MAP2K3: variants seen among roughly 807,000 people sequenced by gnomAD.
MAP2K3 encodes dual specificity mitogen-activated protein kinase kinase 3.
A neutral mutation model predicts 46.4 loss-of-function variants in MAP2K3; 30 were observed. The observed-to-expected ratio is 0.65, with a 90% CI of 0.48 to 0.88. The LOEUF is 0.88. Ranked by LOEUF, MAP2K3 falls within the 40% of genes least tolerant of loss-of-function variation. MAP2K3 has a pLI of 0.00. For synonymous variants in MAP2K3, 189 were observed against 176.3 expected (o/e 1.07, Z -0.57); for missense variants, 380 against 464.5 (o/e 0.82, Z 1.67).
chr17:21,296,042 A>C, intron 1 of MAP2K3: 1 of 1,287,948 alleles, frequency 7.8e-7, no homozygotes, highest in South Asian at 1.2e-5. Context: ...AAAGCTACCT[A>C]TAATTCTCAT....
intron 11 of MAP2K3, 115 bp downstream of exon 11, chr17:21,313,652 T>C (rs1657686): frequency 0.53 from 457,971 of 860,510 alleles, 125,495 homozygotes; most frequent in African/African-American, 0.78. Flanking sequence ...TGGCTGGCCC[T>C]GTGTTCTCTC....
intron 1 of MAP2K3, 50 bp from the exon 2 acceptor site, chr17:21,298,363 A>T (rs1258540763): frequency 1.2e-6 from 2 of 1,611,854 alleles, no homozygotes; most frequent in Non-Finnish European, 1.7e-6. Flanking sequence ...AGTGCAGGGG[A>T]CATTGATGTC....
At chr17:21,302,858 C>T (rs1048683242) in intron 6 of MAP2K3, among the ~76,000 whole-genome samples, 1 of 152,312 alleles carries the variant, frequency 6.6e-6, no homozygotes, top group Non-Finnish European at 1.5e-5. Flanking sequence ...ACTGGCTCTG[C>T]CACGGGAGGG....
intron 9 of MAP2K3, among the ~76,000 whole-genome samples, chr17:21,310,056 A>G (rs1977093052): frequency 6.7e-6 from 1 of 149,440 alleles, no homozygotes; most frequent in African/African-American, 2.5e-5. Flanking sequence ...CCCAGGCTGC[A>G]GTGCAGTGGT....
intron 3 of MAP2K3, among the ~76,000 whole-genome samples, chr17:21,300,026 C>G (rs12451239): frequency 0.19 from 28,221 of 145,690 alleles, no homozygotes; most frequent in South Asian, 0.24. Context: ...TGACGATACT[C>G]CCTCCAGGCT....
intron 1 of MAP2K3, among the ~76,000 whole-genome samples, chr17:21,293,607 T>C (rs1397896174): frequency 2.0e-5 from 3 of 152,306 alleles, no homozygotes; most frequent in Non-Finnish European, 2.9e-5. Context: ...AGGAAGTCCC[T>C]GTAGGGTAGA....
chr17:21,291,298 C>T (rs960721414), intron 1 of MAP2K3: 3 of 32,388 alleles, frequency 9.3e-5, no homozygotes, highest in African/African-American at 2.8e-4. Flanking sequence ...GAATACAATA[C>T]AATAGAATAC....
rs1329877028 is a variant in MAP2K3, at chr17:21,298,921, G to A, written c.160G>A (p.Asp54Asn). Residue 54 changes from aspartate to asparagine, a missense_variant, in exon 3 of 12, where the codon GAC becomes AAC. Asp to Asn is a conservative substitution (Grantham distance 23). This residue lies in a region of MAP2K3 where 294 missense variants were observed against 275.4 expected (regional missense o/e 1.07). Transcript: ENST00000342679. ...CTCCCGGACCTTCATCACCATTGGA[G>A]ACAGAGTAGGTGCCAGCCGCCACCC... ...LDSRTFITIG[D>N]RNFEVEADDL... is the part of the protein sequence containing the mutation. 2 of 1,614,174 alleles carry A rather than the reference G, an allele frequency of 1.2e-6. No individual in the cohort carries two copies. The highest frequency in any genetic ancestry group is 4.5e-5 in the East Asian group (2 of 44,906).
At chr17:21,290,098 T>A (rs570431734) in intron 1 of MAP2K3, among the ~76,000 whole-genome samples, 1 of 152,232 alleles carries the variant, frequency 6.6e-6, no homozygotes, top group African/African-American at 2.4e-5. Flanking sequence ...AAGGTTTACA[T>A]GTGCCAGTGT....
intron 5 of MAP2K3, 87 bp downstream of exon 5, chr17:21,301,080 G>C: frequency 1.2e-6 from 2 of 1,601,436 alleles, no homozygotes; most frequent in Middle Eastern, 3.3e-4. Flanking sequence ...CCTCCAGTAC[G>C]CCAGGTGCTG....
Position 21,284,795 on chromosome 17 carries a change from C to T in MAP2K3, c.-126C>T. The T allele has an allele frequency of 8.8e-7, 1 of 1,140,470 alleles. No homozygotes were observed. Among genetic ancestry groups the T allele is most frequent in the Non-Finnish European group, 1.2e-6 (1 of 841,818 alleles). 70.6% of individuals were successfully genotyped at this position (1,140,470 alleles called of 1,614,324 possible). On this transcript the variant is annotated 5_prime_UTR_variant, in exon 1 of 12. Coordinates refer to ENST00000342679, the MANE Select transcript of MAP2K3 (RefSeq NM_145109.3). ...CTCGCCGCAGTCGCCGCCGCCGCCG[C>T]CGCCGCCGCCGCTGCTCCTCCGCCT...
chr17:21,291,963 T>C (rs1975962764), intron 1 of MAP2K3, among the ~76,000 whole-genome samples: 1 of 152,310 alleles, frequency 6.6e-6, no homozygotes, highest in South Asian at 2.1e-4. Flanking sequence ...AGAGGGAGTG[T>C]GGCTCGCCCC....
intron 9 of MAP2K3, among the ~76,000 whole-genome samples, chr17:21,311,230 C>T (rs1425824805): frequency 1.3e-5 from 2 of 152,188 alleles, no homozygotes; most frequent in Admixed American, 6.5e-5. Context: ...ATGGTGATGA[C>T]GGCCGGCAGT....
rs777252658 is a variant in MAP2K3 at position 21,312,244 on chromosome 17, C to T, written c.877C>T (p.Arg293Cys). Residue 293 changes from arginine to cysteine, a missense_variant, in exon 10 of 12, where the codon CGT (arginine) becomes TGT (cysteine). Physicochemically the swap from Arg to Cys is radical, Grantham distance 180 (BLOSUM62 -3). Coordinates refer to ENST00000342679, the MANE Select transcript of MAP2K3 (RefSeq NM_145109.3). Reference protein sequence around the residue: ...EEPSPQLPADRFSPEFVDFTA... With the variant: ...EEPSPQLPADCFSPEFVDFTA... ...GCCGTCCCCCCAGCTCCCAGCCGAC[C>T]GTTTCTCCCCCGAGTTTGTGGACTT... 5.5e-5 allele frequency: 88 copies of T among 1,601,386 alleles called. No homozygotes were observed. In the East Asian group the frequency reaches 6.0e-4, roughly 11 times the overall value.
rs753929902 is a variant in MAP2K3, at chr17:21,302,268, C to G, written c.516+9C>G. 14 of 612,956 alleles carry G rather than the reference C, an allele frequency of 2.3e-5. No homozygotes were observed. The highest frequency in any genetic ancestry group is 3.9e-5 in the Non-Finnish European group (13 of 337,584). The allele number at this position is 612,956 out of a possible 1,614,324, so 38.0% of individuals were successfully genotyped here. ...GGGAGATTGCTGTGTCTGTGAGTGG[C>G]CTGGGTGGGCTGGCGGGGGGTCCTA... On this transcript the variant is annotated intron_variant, in intron 6 of 11. Coordinates refer to ENST00000342679, the MANE Select transcript of MAP2K3 (RefSeq NM_145109.3).
intron 9 of MAP2K3, among the ~76,000 whole-genome samples, chr17:21,305,691 C>A (rs1976858768): frequency 6.6e-6 from 1 of 152,310 alleles, no homozygotes; most frequent in South Asian, 2.1e-4. Flanking sequence ...GAACCCCATG[C>A]CTTCCGTGTT....
rs762281880 is a variant in MAP2K3, at chr17:21,302,160, C to T, written c.417C>T (p.Cys139=). 1 of 1,614,254 alleles carries T rather than the reference C, an allele frequency of 6.2e-7. No homozygotes were observed. Among genetic ancestry groups the T allele is most frequent in the East Asian group, 2.2e-5 (1 of 44,888 alleles). Residue 139 remains cysteine (C), a synonymous_variant, in exon 6 of 12, where the codon TGC becomes TGT. Transcript: ENST00000342679. ...ALFREGDVWI[C]MELMDTSLDK... ...ACCCACAGGGAGACGTGTGGATCTG[C>T]ATGGAGCTCATGGACACATCCTTGG...
intron 1 of MAP2K3, among the ~76,000 whole-genome samples, chr17:21,295,045 G>GC (rs1225985371): frequency 1.3e-5 from 2 of 152,310 alleles, no homozygotes; most frequent in Non-Finnish European, 2.9e-5. Flanking sequence ...ACTGGGGCCT[G>GC]CGCAGTCAGG....
At chr17:21,296,519 G>GGGGTGCT (rs1263863548) in intron 1 of MAP2K3, among the ~76,000 whole-genome samples, 1 of 152,312 alleles carries the variant, frequency 6.6e-6, no homozygotes, top group Non-Finnish European at 1.5e-5. Context: ...CCCTGTGGCA[G>GGGGTGCT]GGGTGCTGTG....
Sources: gnomAD v4.1 joint callset for allele counts (sites outside exome capture counted in the v4.1 genomes callset) on GRCh38, gnomAD v4.1.1 for gene constraint, gnomAD v4.1.1 regional missense constraint, MANE v1.5 for transcripts, NCBI Gene and HGNC (gene_info 2026-07-23, HGNC 2026-07-21) for gene names.